MSH5: variants seen among roughly 807,000 people sequenced by gnomAD.
MSH5 encodes mutS homolog 5.
In MSH5, 78 loss-of-function variants were observed where a neutral mutation model predicts 107.7. That is an observed-to-expected ratio of 0.72 (90% CI 0.60 to 0.87). The LOEUF (loss-of-function observed/expected upper bound fraction) is 0.87. MSH5 is among the 40% of genes least tolerant of loss of function. MSH5 has a pLI of 0.00. For synonymous variants in MSH5, 326 were observed against 399.5 expected, an observed-to-expected ratio of 0.82 and a Z score of 2.19; for missense variants, 889 against 1,046.6, an observed-to-expected ratio of 0.85 and a Z score of 2.08.
chr6:31,759,203 G>A lies in MSH5; in HGVS notation c.1407+26G>A. 6.3e-7 allele frequency: 1 copy of A among 1,596,532 alleles called. No individual in the cohort carries two copies. The highest frequency in any genetic ancestry group is 8.6e-7 in the Non-Finnish European group (1 of 1,165,388). On this transcript the variant is annotated intron_variant, in intron 16 of 24. Coordinates refer to ENST00000375750, the MANE Select transcript of MSH5 (RefSeq NM_172166.4). The surrounding 1 kb of genome is among the most constrained non-coding windows in gnomAD (Gnocchi z 4.7). Reference sequence around the variant, plus strand: ...GTAAGACCCTCAACCTCTGTAAGGTGAGTGATGAGGAAAATGAGTCAGCAG... The same window carrying A: ...GTAAGACCCTCAACCTCTGTAAGGTAAGTGATGAGGAAAATGAGTCAGCAG...
Position 31,760,077 on chromosome 6 carries a change from C to A in MSH5, c.1686-13C>A. 6.2e-7 allele frequency: 1 copy of A among 1,601,252 alleles called. No individual in the cohort carries two copies. The highest frequency in any genetic ancestry group is 8.5e-7 in the Non-Finnish European group (1 of 1,172,596). ...TCCACAAGCCATGCGAGGTGCCTCT[C>A]CGCCCACTGCAGACATCCTCTGATG... On this transcript the variant is annotated splice_polypyrimidine_tract_variant and intron_variant, in intron 18 of 24. Coordinates refer to ENST00000375750, the MANE Select transcript of MSH5 (RefSeq NM_172166.4). This position sits in a 1 kb window ranked among gnomAD's most constrained non-coding sequence, Gnocchi z 5.6.
intron 3 of MSH5, among the ~76,000 whole-genome samples, chr6:31,741,674 G>A (rs988527511): frequency 2.3e-4 from 35 of 151,750 alleles, no homozygotes; most frequent in African/African-American, 2.4e-5. Flanking sequence ...GAGTCACCAC[G>A]CCCAGCCATG....
Position 31,761,326 on chromosome 6 carries a change from A to T in MSH5, c.2037+64A>T. 1 of 1,607,154 alleles carries T rather than the reference A, an allele frequency of 6.2e-7. No individual in the cohort carries two copies. The highest frequency in any genetic ancestry group is 1.3e-5 in the African/African-American group (1 of 74,894). Reference sequence around the variant, plus strand: ...GGAAAATGGAGGAGGATGAAGGAGCATGACAGTGAGGCTGGGCCTCTGGAA... The same window carrying T: ...GGAAAATGGAGGAGGATGAAGGAGCTTGACAGTGAGGCTGGGCCTCTGGAA... On this transcript the variant is annotated intron_variant, in intron 21 of 24. Transcript: ENST00000375750. This position sits in a 1 kb window ranked among gnomAD's most constrained non-coding sequence, Gnocchi z 5.3.
In MSH5 at chr6:31,740,457, C is replaced by T. The variant is rs747197050; in HGVS notation, c.-10C>T. On this transcript the variant is annotated 5_prime_UTR_variant, in exon 2 of 25. Coordinates refer to ENST00000375750, the MANE Select transcript of MSH5 (RefSeq NM_172166.4). The surrounding 1 kb of genome is among the most constrained non-coding windows in gnomAD (Gnocchi z 4.4). ...CCCTCACTTTTTGCATCCGCAGAGC[C>T]TCCAAGCTCATGGCCTCCTTAGGAG... The T allele has an allele frequency of 3.7e-5, 58 of 1,557,948 alleles. No individual in the cohort carries two copies. Among genetic ancestry groups the T allele is most frequent in the Non-Finnish European group, 4.7e-5 (54 of 1,150,760 alleles).
At position 31,760,045 on chromosome 6, in the gene MSH5, A is replaced by G. The variant is rs9461718; in HGVS notation, c.1686-45A>G. ...GGCTACATCTTCTGGGGGTTCATCT[A>G]TCTTGATCCACAAGCCATGCGAGGT... On this transcript the variant is annotated intron_variant, in intron 18 of 24. Coordinates refer to ENST00000375750, the MANE Select transcript of MSH5 (RefSeq NM_172166.4). The surrounding 1 kb of genome is among the most constrained non-coding windows in gnomAD (Gnocchi z 5.6). 937 of 1,607,316 alleles carry G rather than the reference A, an allele frequency of 5.8e-4. 1 individual carries two copies. Among genetic ancestry groups the G allele is most frequent in the Non-Finnish European group, 6.8e-4 (805 of 1,175,580 alleles).
At position 31,743,993 on chromosome 6, in the gene MSH5, T is replaced by A; in HGVS notation, c.505T>A (p.Ser169Thr). The change falls in exon 6 of 25, where the codon TCT becomes ACT. Residue 169 changes from serine to threonine, a missense_variant. Physicochemically the swap from Ser to Thr is moderately conservative, Grantham distance 58 (BLOSUM62 1). Coordinates refer to ENST00000375750, the MANE Select transcript of MSH5 (RefSeq NM_172166.4). ...MTATEKILFLSSIIPFDCLLT... is the reference protein window; with the variant it reads ...MTATEKILFLTSIIPFDCLLT... ...TGCCACTGAGAAAATCCTCTTCCTC[T>A]CTTCCATTATTCCCTTTGACTGCCT... is the stretch of plus-strand genomic sequence containing the variant. 1 of 1,614,138 alleles carries A rather than the reference T, an allele frequency of 6.2e-7. No individual in the cohort carries two copies. The highest frequency in any genetic ancestry group is 8.5e-7 in the Non-Finnish European group (1 of 1,180,032).
At chr6:31,753,731 C>G in intron 12 of MSH5, 102 bp downstream of exon 12, 1 of 1,143,236 alleles carries the variant, frequency 8.7e-7, no homozygotes, top group Non-Finnish European at 1.3e-6. Context: ...TTATTCTACC[C>G]TCTTTTTTTT....
In MSH5 at chr6:31,759,826, G is replaced by A; in HGVS notation, c.1536G>A (p.Val512=). The A allele has an allele frequency of 6.2e-7, 1 of 1,613,744 alleles. No homozygotes were observed. Residue 512 remains valine (V), a synonymous_variant, in exon 18 of 25, where the codon GTG becomes GTA. Coordinates refer to ENST00000375750, the MANE Select transcript of MSH5 (RefSeq NM_172166.4). The surrounding 1 kb of genome is among the most constrained non-coding windows in gnomAD (Gnocchi z 4.7). The part of the protein sequence containing the change: ...TLLMYQLQCQ[V]LARAAVLTRV... The stretch of plus-strand genomic sequence containing the variant: ...TGATGTACCAGCTACAGTGCCAGGT[G>A]CTGGCACGAGCAGCTGTCTTAACCC...
In MSH5 at chr6:31,744,573, CACTT is replaced by C. The variant is rs1241752983; in HGVS notation, c.678_681del (p.Tyr227ValfsTer21). ...CTCATCTGGTGAACATAGATCAAGA[CACTT>C]ACAGGTAAAGAGGTGGAGGCATGCT... On this transcript the variant is annotated frameshift_variant, in exon 8 of 25. Coordinates refer to ENST00000375750, the MANE Select transcript of MSH5 (RefSeq NM_172166.4). LOFTEE classifies it high-confidence loss of function. 8 of 1,613,052 alleles carry C rather than the reference CACTT, an allele frequency of 5.0e-6. No individual in the cohort carries two copies. The highest frequency in any genetic ancestry group is 2.7e-5 in the African/African-American group (2 of 74,884).
At position 31,761,948 on chromosome 6, in the gene MSH5, G is replaced by A; in HGVS notation, c.2312G>A (p.Gly771Asp). The A allele has an allele frequency of 6.2e-7, 1 of 1,613,620 alleles. No homozygotes were observed. Among genetic ancestry groups the A allele is most frequent in the African/African-American group, 1.3e-5 (1 of 75,038 alleles). ...AGLPDKLVAR[G>D]KEVSDLIRSG... is the part of the protein sequence containing the mutation. ...CTTCCTGACAAGCTTGTGGCTCGTG[G>A]CAAGGAGGTGATGAGATCCAAATGT... The change falls in exon 23 of 25, where the codon GGC becomes GAC. Residue 771 changes from glycine (G) to aspartate (D), a missense_variant. Gly to Asp is a moderately conservative substitution (Grantham distance 94). Around this residue, in one of 3 missense-constraint regions of MSH5, gnomAD observed 362 missense variants for 456.2 expected, o/e 0.79. Coordinates refer to ENST00000375750, the MANE Select transcript of MSH5 (RefSeq NM_172166.4). The surrounding 1 kb of genome is among the most constrained non-coding windows in gnomAD (Gnocchi z 5.3).
chr6:31,761,549 G>A lies in MSH5; in HGVS notation c.2115G>A (p.Val705=), dbSNP rs374181888. ...GACCCACATGCCCCCACATCTTTGT[G>A]GCCACCAACTTTCTGAGCCTTGTTC... is the stretch of plus-strand genomic sequence containing the variant. ...ARGPTCPHIF[V]ATNFLSLVQL... Residue 705 remains valine (V), a synonymous_variant, in exon 22 of 25, where the codon GTG becomes GTA. Coordinates refer to ENST00000375750, the MANE Select transcript of MSH5 (RefSeq NM_172166.4). This position sits in a 1 kb window ranked among gnomAD's most constrained non-coding sequence, Gnocchi z 5.3. 2.5e-6 allele frequency: 4 copies of A among 1,613,924 alleles called. No homozygotes were observed. Among genetic ancestry groups the A allele is most frequent in the East Asian group, 2.2e-5 (1 of 44,890 alleles).
At position 31,759,273 on chromosome 6, in the gene MSH5, T is replaced by G. The variant is rs993451937; in HGVS notation, c.1407+96T>G. ...TACAGCAGCACTGCCCAATATGGGA[T>G]CTCTCCTCTGTAGTTTTACTCTGAG... On this transcript the variant is annotated intron_variant, in intron 16 of 24. Transcript: ENST00000375750. The surrounding 1 kb of genome is among the most constrained non-coding windows in gnomAD (Gnocchi z 4.7). 9 of 1,369,072 alleles carry G rather than the reference T, an allele frequency of 6.6e-6. No individual in the cohort carries two copies. The highest frequency in any genetic ancestry group is 1.2e-5 in the South Asian group (1 of 86,160). The allele number at this position is 1,369,072 out of a possible 1,614,324, so 84.8% of individuals were successfully genotyped here. A position where few individuals can be genotyped will look rare whatever the true frequency, so the allele number is the denominator to read the frequency against.
intron 9 of MSH5, 142 bp from the exon 10 acceptor site, chr6:31,747,245 T>G: frequency 1.3e-6 from 1 of 775,412 alleles, no homozygotes; most frequent in East Asian, 2.7e-5. Flanking sequence ...GGCACCAGCT[T>G]TGGCTGCCTT....
chr6:31,743,258 C>A, intron 5 of MSH5, 88 bp downstream of exon 5: 1 of 1,393,946 alleles, frequency 7.2e-7, no homozygotes, highest in Non-Finnish European at 1.0e-6. Flanking sequence ...CAGATCTCCC[C>A]TCTGCCTTAT....
chr6:31,752,531 C>T (rs1052480206), intron 10 of MSH5, among the ~76,000 whole-genome samples: 1 of 152,078 alleles, frequency 6.6e-6, no homozygotes, highest in Non-Finnish European at 1.5e-5. Flanking sequence ...ATCATTCTGG[C>T]CAACATAGTG....
chr6:31,740,091 A>C lies in MSH5; in HGVS notation c.-14+29A>C. 5.5e-6 allele frequency: 1 copy of C among 181,868 alleles called. No homozygotes were observed. Among genetic ancestry groups the C allele is most frequent in the Non-Finnish European group, 1.1e-5 (1 of 87,922 alleles). The allele number at this position is 181,868 out of a possible 1,614,324, so 11.3% of individuals were successfully genotyped here. The stretch of plus-strand genomic sequence containing the variant: ...ACTGAAAAGGCGGGAAAACGCTGCG[A>C]TGGCGGCAGCTGGGGGAGGAGGAAG... On this transcript the variant is annotated intron_variant, in intron 1 of 24. Transcript: ENST00000375750. The surrounding 1 kb of genome is among the most constrained non-coding windows in gnomAD (Gnocchi z 4.4).
At chr6:31,747,904 T>A (rs1049212934) in intron 10 of MSH5, among the ~76,000 whole-genome samples, 1 of 151,592 alleles carries the variant, frequency 6.6e-6, no homozygotes, top group African/African-American at 2.4e-5. Flanking sequence ...CTCAGGAGAC[T>A]AAGGCAGGAG....
At chr6:31,747,822 T>A (rs1809597635) in intron 10 of MSH5, among the ~76,000 whole-genome samples, 1 of 152,076 alleles carries the variant, frequency 6.6e-6, no homozygotes, top group South Asian at 2.1e-4. Flanking sequence ...CTGGCCAACA[T>A]GGTAAAGCCC....
rs1808846720 is a variant in MSH5, at chr6:31,741,230, C to T, written c.215C>T (p.Thr72Ile). ...GIAYYDTSDS[T>I]IHFMPDAPDH... ...GCCTACTATGATACTAGTGACTCCA[C>T]TATCCACTTCATGCCAGATGCCCCA... The change falls in exon 3 of 25, where the codon ACT becomes ATT. Residue 72 changes from threonine to isoleucine, a missense_variant. Around this residue, in one of 3 missense-constraint regions of MSH5, gnomAD observed 518 missense variants for 565.0 expected, o/e 0.92. Coordinates refer to ENST00000375750, the MANE Select transcript of MSH5 (RefSeq NM_172166.4). 1.9e-6 allele frequency: 3 copies of T among 1,612,940 alleles called. No individual in the cohort carries two copies. The highest frequency in any genetic ancestry group is 2.2e-5 in the East Asian group (1 of 44,884).
Sources: gnomAD v4.1 joint callset for allele counts (sites outside exome capture counted in the v4.1 genomes callset) on GRCh38, gnomAD v4.1.1 for gene constraint, gnomAD v4.1.1 regional missense constraint, Gnocchi (gnomAD v3.1) non-coding constraint, MANE v1.5 for transcripts, NCBI Gene and HGNC (gene_info 2026-07-23, HGNC 2026-07-21) for gene names.